Variants in TP53BP2 observed in about 807,000 individuals in gnomAD.
TP53BP2 encodes the protein tumor protein p53 binding protein 2.
Under a neutral mutation model 126.2 loss-of-function variants are expected in TP53BP2, and 62 were observed. The observed-to-expected ratio is 0.49, with a 90% CI of 0.40 to 0.61. TP53BP2 has a LOEUF of 0.61. Ranked by LOEUF, TP53BP2 falls within the 20% of genes least tolerant of loss-of-function variation. TP53BP2 has a pLI of 0.00. For missense variants in TP53BP2, 1,215 were observed against 1,402.8 expected (o/e 0.87, Z 2.14); for synonymous variants, 485 against 502.9 (o/e 0.96, Z 0.48).
intron 1 of TP53BP2, among the ~76,000 whole-genome samples, chr1:223,841,961 G>GT (rs1423837160): frequency 6.9e-6 from 1 of 145,928 alleles, no homozygotes; most frequent in Non-Finnish European, 1.5e-5. Context: ...AGGCTAGAAT[G>GT]CAATGGCTCA....
chr1:223,793,501 A>T, intron 13 of TP53BP2, 61 bp from the exon 14 acceptor site: 1 of 1,426,862 alleles, frequency 7.0e-7, no homozygotes, highest in Non-Finnish European at 9.2e-7. Flanking sequence ...CAACAGCAGC[A>T]AATGGGAAGG....
intron 15 of TP53BP2, among the ~76,000 whole-genome samples, chr1:223,790,437 G>A (rs1241142472): frequency 1.3e-5 from 2 of 151,506 alleles, no homozygotes; most frequent in Admixed American, 1.3e-4. Context: ...ACACATCTGT[G>A]GTCCTAGCTA....
At chr1:223,821,585 G>A in intron 1 of TP53BP2, 2 of 716,002 alleles carry the variant, frequency 2.8e-6, no homozygotes, top group East Asian at 2.7e-5. Context: ...AACCCTTGGT[G>A]ACCCTAGAAT....
intron 4 of TP53BP2, among the ~76,000 whole-genome samples, chr1:223,807,596 T>C (rs1042906794): frequency 1.3e-5 from 2 of 150,846 alleles, no homozygotes; most frequent in African/African-American, 2.4e-5. Flanking sequence ...ATAGGTTACA[T>C]AGCAAGACTG....
chr1:223,784,221 T>C lies in TP53BP2; in HGVS notation c.3257A>G (p.Glu1086Gly), dbSNP rs1425282601. ...GTGGATGATTGTCATGCAGTCTCCT[T>C]CTTTCATGGGCAGCTCATCATCATT... is the stretch of plus-strand genomic sequence containing the variant. ...PQNDDELPMK[E>G]GDCMTIIHRE... The change falls in exon 17 of 18, where the codon GAA becomes GGA. Residue 1086 changes from glutamate to glycine, a missense_variant. Glu to Gly is a moderately conservative substitution (Grantham distance 98). Transcript: ENST00000343537. 2.5e-6 allele frequency: 4 copies of C among 1,614,090 alleles called. No individual in the cohort carries two copies. Among genetic ancestry groups the C allele is most frequent in the Non-Finnish European group, 3.4e-6 (4 of 1,180,050 alleles).
intron 4 of TP53BP2, among the ~76,000 whole-genome samples, chr1:223,810,121 C>T (rs3885657): frequency 0.11 from 16,523 of 152,144 alleles, 1,065 homozygotes; most frequent in African/African-American, 0.18. Flanking sequence ...CCACTGCACC[C>T]GGCCAATTTT....
intron 1 of TP53BP2, 137 bp downstream of exon 1, chr1:223,845,517 C>A: frequency 2.0e-6 from 2 of 989,210 alleles, no homozygotes; most frequent in South Asian, 2.3e-5. Flanking sequence ...CCGCTCGAAG[C>A]TCGGAAAGCC....
At chr1:223,837,991 G>A (rs948076068) in intron 1 of TP53BP2, among the ~76,000 whole-genome samples, 2 of 147,712 alleles carry the variant, frequency 1.4e-5, no homozygotes, top group African/African-American at 5.0e-5. Flanking sequence ...CCAGTCCCTA[G>A]GAATCGTGCC....
chr1:223,786,841 C>T (rs758674576), intron 16 of TP53BP2, among the ~76,000 whole-genome samples: 2 of 151,924 alleles, frequency 1.3e-5, no homozygotes, highest in Admixed American at 6.6e-5. Context: ...CTCCTGACCT[C>T]GTGATCTGCC....
At chr1:223,802,989 A>C (rs1662582284) in intron 7 of TP53BP2, 94 bp from the exon 8 acceptor site, 1 of 1,377,088 alleles carries the variant, frequency 7.3e-7, no homozygotes, top group Non-Finnish European at 9.9e-7. Flanking sequence ...ATAATTTCTA[A>C]AAATATGAGG....
chr1:223,828,609 T>C (rs1663583847), intron 1 of TP53BP2, among the ~76,000 whole-genome samples: 1 of 152,124 alleles, frequency 6.6e-6, no homozygotes, highest in African/African-American at 2.4e-5. Context: ...AAGAAGCACA[T>C]CTTAAAAGTC....
rs780893618 is a variant in TP53BP2, at chr1:223,814,241, A to C, written c.288T>G (p.Ile96Met). 6.2e-7 allele frequency: 1 copy of C among 1,610,686 alleles called. No individual in the cohort carries two copies. Among genetic ancestry groups the C allele is most frequent in the South Asian group, 1.1e-5 (1 of 91,012 alleles). ...CACGATTCACAGAGCACTACCTACCAATGTCCCTGCCAGGGGGGCGTTCAT... is the reference window on the plus strand; with the variant it reads ...CACGATTCACAGAGCACTACCTACCCATGTCCCTGCCAGGGGGGCGTTCAT... ...LRHERPPGRD[I>M]VSGPRSQDPS... Residue 96 changes from isoleucine to methionine, a missense_variant and splice_region_variant, in exon 3 of 18, where the codon ATT becomes ATG. Physicochemically the swap from Ile to Met is conservative, Grantham distance 10. Around this residue, in one of 4 missense-constraint regions of TP53BP2, gnomAD observed 814 missense variants for 853.0 expected, o/e 0.95. Coordinates refer to ENST00000343537, the MANE Select transcript of TP53BP2 (RefSeq NM_001031685.3).
chr1:223,793,103 C>A (rs777784121), intron 14 of TP53BP2, among the ~76,000 whole-genome samples, 200 bp downstream of exon 14: 1 of 152,020 alleles, frequency 6.6e-6, no homozygotes, highest in Non-Finnish European at 1.5e-5. Flanking sequence ...CTAAAGCGTG[C>A]CCAAGAGTTC....
intron 1 of TP53BP2, among the ~76,000 whole-genome samples, chr1:223,839,608 A>G (rs1363043567): frequency 6.6e-6 from 1 of 152,230 alleles, no homozygotes; most frequent in Admixed American, 6.5e-5. Flanking sequence ...TAAATAAAGT[A>G]GTATTAAGTT....
chr1:223,806,813 GC>G, intron 5 of TP53BP2, 32 bp downstream of exon 5: 1 of 1,557,752 alleles, frequency 6.4e-7, no homozygotes. Context: ...GACAGAGTGA[GC>G]ATTCATCTCC....
chr1:223,832,354 C>G (rs1002526432), intron 1 of TP53BP2, among the ~76,000 whole-genome samples: 2 of 152,168 alleles, frequency 1.3e-5, no homozygotes, highest in African/African-American at 4.8e-5. Flanking sequence ...ACAGGAATAG[C>G]CAGGCGATTA....
Position 223,798,261 on chromosome 1 carries a change from C to G in TP53BP2, c.1902G>C (p.Gln634His), listed in dbSNP as rs61824007. 19,026 of 1,614,204 alleles carry G rather than the reference C, an allele frequency of 0.012. 156 individuals are homozygous for G. Among genetic ancestry groups the G allele is most frequent in the Non-Finnish European group, 0.014 (16,564 of 1,180,032 alleles). ...TGGTATGAGTCTTGGTCAACGCGCT[C>G]TGCACAGCCTGCTGGAAGTTTTTTC... ...APGKNFQQAVQSALTKTHTRG... is the reference protein window; with the variant it reads ...APGKNFQQAVHSALTKTHTRG... The change falls in exon 12 of 18, where the codon CAG becomes CAC. Residue 634 changes from glutamine (Q) to histidine (H), a missense_variant. By Grantham distance (24) the Gln-to-His change is conservative. Coordinates refer to ENST00000343537, the MANE Select transcript of TP53BP2 (RefSeq NM_001031685.3).
chr1:223,788,462 T>C (rs1662045211), intron 16 of TP53BP2, among the ~76,000 whole-genome samples: 1 of 152,170 alleles, frequency 6.6e-6, no homozygotes, highest in Non-Finnish European at 1.5e-5. Flanking sequence ...ATCTAAAACT[T>C]CAAGTCCATT....
At chr1:223,799,373 A>G (rs1004352554) in intron 11 of TP53BP2, among the ~76,000 whole-genome samples, 4 of 152,142 alleles carry the variant, frequency 2.6e-5, no homozygotes, top group African/African-American at 9.7e-5. Context: ...TCCACTTCCT[A>G]TCTGGGCAAT....
Sources: gnomAD v4.1 joint callset for allele counts (sites outside exome capture counted in the v4.1 genomes callset) on GRCh38, gnomAD v4.1.1 for gene constraint, gnomAD v4.1.1 regional missense constraint, MANE v1.5 for transcripts, NCBI Gene and HGNC (gene_info 2026-07-23, HGNC 2026-07-21) for gene names.